Variants in MCTP2 observed in about 807,000 individuals in gnomAD.
MCTP2 encodes multiple C2 and transmembrane domain-containing protein 2.
In MCTP2, 132 loss-of-function variants were observed where a neutral mutation model predicts 111.6. That is an observed-to-expected ratio of 1.18 (90% CI 1.03 to 1.37). MCTP2 has a LOEUF of 1.37. MCTP2 is among the 40% of genes most tolerant of loss of function. The pLI is 0.00. For missense variants in MCTP2, 1,183 were observed against 1,067.9 expected (o/e 1.11, Z -1.50); for synonymous variants, 395 against 387.7 (o/e 1.02, Z -0.22).
chr15:94,452,321 A>C (rs985666806), intron 19 of MCTP2, among the ~76,000 whole-genome samples: 3 of 152,228 alleles, frequency 2.0e-5, no homozygotes, highest in African/African-American at 7.2e-5. Flanking sequence ...AGCATTTGCT[A>C]TTAGGATGAT....
At chr15:94,407,557 A>G (rs12903225) in intron 17 of MCTP2, among the ~76,000 whole-genome samples, 75,034 of 152,038 alleles carry the variant, frequency 0.49, 20,984 homozygotes, top group Middle Eastern at 0.64. Flanking sequence ...AAGGACTGAA[A>G]TATGATACAC....
At chr15:94,263,530 G>T (rs749947462) in intron 1 of MCTP2, among the ~76,000 whole-genome samples, 50 of 152,176 alleles carry the variant, frequency 3.3e-4, no homozygotes, top group Non-Finnish European at 5.7e-4. Flanking sequence ...CCCGAATGAA[G>T]TTTATCTAAA....
At chr15:94,444,020 G>C (rs140187724) in intron 19 of MCTP2, among the ~76,000 whole-genome samples, 1 of 132,718 alleles carries the variant, frequency 7.5e-6, no homozygotes, top group Non-Finnish European at 1.6e-5. Flanking sequence ...AAGTATTAGT[G>C]AAATTATTTT....
rs140834193 is a variant in MCTP2 at position 94,386,174 on chromosome 15, C to T, written c.1788+649C>T. On this transcript the variant is annotated intron_variant, in intron 14 of 22. Coordinates refer to ENST00000357742, the MANE Select transcript of MCTP2 (RefSeq NM_001385001.1). ...CACCAAAGAATGCCTTTACATGGGT[C>T]GGGGGGAAGCTGGGGAGTGAATTCA... Among the ~76,000 whole-genome samples the T allele has an allele frequency of 2.8e-4, 42 of 151,778 alleles. 1 individual carries two copies. Among genetic ancestry groups the T allele is most frequent in the African/African-American group, 6.5e-4 (27 of 41,322 alleles).
At chr15:94,445,763 C>A (rs1567722805) in intron 19 of MCTP2, among the ~76,000 whole-genome samples, 1 of 152,232 alleles carries the variant, frequency 6.6e-6, no homozygotes, top group Non-Finnish European at 1.5e-5. Flanking sequence ...CTGTAACACA[C>A]TCAGTGAGAG....
Position 94,448,091 on chromosome 15 carries a change from A to AGG in MCTP2, c.2250+5135_2250+5136dup, listed in dbSNP as rs202105363. ...TCAGTTTATGCATGTTTTGGATGAG[A>AGG]GGGGGTTGCCTTCCCAATTTCCTGT... On this transcript the variant is annotated intron_variant, in intron 19 of 22. Transcript: ENST00000357742. 4.0e-3 allele frequency among the ~76,000 whole-genome samples: 609 copies of AGG among 152,282 alleles called. 18 individuals carry two copies. Among genetic ancestry groups the AGG allele is most frequent in the Admixed American group, 0.034 (518 of 15,290 alleles).
At position 94,454,816 on chromosome 15, in the gene MCTP2, C is replaced by A. The variant is rs542540007; in HGVS notation, c.2251-3321C>A. Among the ~76,000 whole-genome samples, 41 of 151,950 alleles carry A rather than the reference C, an allele frequency of 2.7e-4. No individual in the cohort carries two copies. The South Asian group carries it at 3.9e-3, about 15-fold the overall frequency. On this transcript the variant is annotated intron_variant, in intron 19 of 22. Coordinates refer to ENST00000357742, the MANE Select transcript of MCTP2 (RefSeq NM_001385001.1). ...TCAGTTTTTAAATTCTGAAGTTATA[C>A]TTTAGGTTATTTTTATTATTATTAG...
intron 17 of MCTP2, among the ~76,000 whole-genome samples, chr15:94,430,373 C>CA (rs754642193): frequency 2.3e-4 from 32 of 140,572 alleles, no homozygotes; most frequent in African/African-American, 7.5e-4. Flanking sequence ...AAAAAACAAA[C>CA]AAAAAAAACC....
intron 13 of MCTP2, among the ~76,000 whole-genome samples, chr15:94,384,853 T>C (rs2080364880): frequency 6.6e-6 from 1 of 152,182 alleles, no homozygotes; most frequent in African/African-American, 2.4e-5. Context: ...AATGGCCAGA[T>C]ATAAGAGTCT....
chr15:94,369,208 T>G (rs937899484), intron 11 of MCTP2, among the ~76,000 whole-genome samples: 1 of 152,240 alleles, frequency 6.6e-6, no homozygotes, highest in Non-Finnish European at 1.5e-5. Context: ...TTAGGCAAAC[T>G]GTTATTAAGC....
intron 1 of MCTP2, among the ~76,000 whole-genome samples, chr15:94,239,217 T>G (rs961821451): frequency 6.6e-6 from 1 of 152,210 alleles, no homozygotes; most frequent in African/African-American, 2.4e-5. Context: ...TTTCTTGGAC[T>G]ACAATAACCA....
At position 94,385,425 on chromosome 15, in the gene MCTP2, C is replaced by A; in HGVS notation, c.1688C>A (p.Pro563His). Residue 563 changes from proline (P) to histidine (H), a missense_variant and splice_region_variant, in exon 14 of 23, where the codon CCC (proline) becomes CAC (histidine). Coordinates refer to ENST00000357742, the MANE Select transcript of MCTP2 (RefSeq NM_001385001.1). ...NPEWNKVFTF[P>H]IKDIHDVLEV... Reference sequence around the variant, plus strand: ...AATACATGGTATTTTTGTTACAGTCCCATTAAAGATATCCATGATGTTTTG... The same window carrying A: ...AATACATGGTATTTTTGTTACAGTCACATTAAAGATATCCATGATGTTTTG... 6.2e-7 allele frequency: 1 copy of A among 1,602,246 alleles called. No homozygotes were observed. The highest frequency in any genetic ancestry group is 8.5e-7 in the Non-Finnish European group (1 of 1,169,816).
chr15:94,374,493 C>T (rs550204395), intron 12 of MCTP2, among the ~76,000 whole-genome samples: 29 of 152,216 alleles, frequency 1.9e-4, no homozygotes, highest in Non-Finnish European at 4.0e-4. Flanking sequence ...TTGAAACCAT[C>T]ATGGCCACCA....
At chr15:94,427,059 C>T (rs150536505) in intron 17 of MCTP2, among the ~76,000 whole-genome samples, 3 of 152,278 alleles carry the variant, frequency 2.0e-5, no homozygotes, top group African/African-American at 2.4e-5. Flanking sequence ...CCTAAGCATG[C>T]ATGGCTTAAG....
In MCTP2 at chr15:94,365,360, T is replaced by C. The variant is rs184451426; in HGVS notation, c.1302-2245T>C. Among the ~76,000 whole-genome samples, 4 of 152,350 alleles carry C rather than the reference T, an allele frequency of 2.6e-5. No homozygotes were observed. In the East Asian group the frequency reaches 7.7e-4, roughly 29 times the overall value. The stretch of plus-strand genomic sequence containing the variant: ...CTATTTTTCATGAAAGTGTTCATTC[T>C]AGTGAAGGGACTGATTTTTTTGTAA... On this transcript the variant is annotated intron_variant, in intron 10 of 22. Transcript: ENST00000357742.
intron 12 of MCTP2, among the ~76,000 whole-genome samples, chr15:94,371,279 T>C (rs1003153417): frequency 6.6e-6 from 1 of 152,174 alleles, no homozygotes; most frequent in African/African-American, 2.4e-5. Context: ...AGTACTCAGA[T>C]GATTGCTCTT....
rs367809882 is a variant in MCTP2, at chr15:94,426,356, A to G, written c.2086-13820A>G. Among the ~76,000 whole-genome samples the G allele has an allele frequency of 6.8e-4, 104 of 152,168 alleles. 1 individual carries two copies. In the South Asian group the frequency reaches 0.021, roughly 30 times the overall value. ...TAAAGTAAACCTTTCTCAGTGTGCC[A>G]TACTTCTTATTATTCTATTTCTAGT... On this transcript the variant is annotated intron_variant, in intron 17 of 22. Transcript: ENST00000357742.
At chr15:94,271,267 G>T (rs908004472) in intron 1 of MCTP2, among the ~76,000 whole-genome samples, 3 of 152,098 alleles carry the variant, frequency 2.0e-5, no homozygotes, top group African/African-American at 7.2e-5. Flanking sequence ...CCACACATTA[G>T]GTTGTCCAAA....
At position 94,483,042 on chromosome 15, in the gene MCTP2, C is replaced by T. The variant is rs1388728756; in HGVS notation, c.*4008C>T. On this transcript the variant is annotated 3_prime_UTR_variant, in exon 23 of 23. Transcript: ENST00000357742. ...ATATGGGGCCTCTGAATGGAGGTAACCCTTGAAAAATTCCACTGTGGAGAA... is the reference window on the plus strand; with the variant it reads ...ATATGGGGCCTCTGAATGGAGGTAATCCTTGAAAAATTCCACTGTGGAGAA... The T allele has an allele frequency of 6.6e-6, 1 of 151,902 alleles. No individual in the cohort carries two copies. Among genetic ancestry groups the T allele is most frequent in the Non-Finnish European group, 1.5e-5 (1 of 67,986 alleles). The allele number at this position is 151,902 out of a possible 1,614,324, so 9.4% of individuals were successfully genotyped here.
Sources: allele counts gnomAD v4.1 joint callset (sites outside exome capture counted in the v4.1 genomes callset), GRCh38; gene constraint gnomAD v4.1.1; transcripts MANE v1.5; gene names NCBI Gene and HGNC (gene_info 2026-07-23, HGNC 2026-07-21).